The following KATNAL1 variants were observed in gnomAD, a reference collection of about 807,000 sequenced individuals.
The protein encoded by KATNAL1 is katanin p60 ATPase-containing subunit A-like 1.
KATNAL1 carries 32 observed loss-of-function variants against 55.2 expected under a neutral mutation model. That is an observed-to-expected ratio of 0.58 (90% CI 0.44 to 0.78). The LOEUF is 0.78. KATNAL1 is among the 30% of genes least tolerant of loss of function. KATNAL1 has a pLI of 0.00. For missense variants in KATNAL1, 466 were observed against 600.9 expected (o/e 0.78, Z 2.35); for synonymous variants, 193 against 193.6 (o/e 1.00, Z 0.02).
chr13:30,245,219 C>T (rs1458424933), intron 4 of KATNAL1, among the ~76,000 whole-genome samples: 1 of 152,206 alleles, frequency 6.6e-6, no homozygotes, highest in Non-Finnish European at 1.5e-5. Context: ...ATCAAGTTGG[C>T]TTCACCCCTG....
chr13:30,304,296 AGTCTCGCTCT>A (rs1209799358), intron 1 of KATNAL1, among the ~76,000 whole-genome samples: 2 of 143,528 alleles, frequency 1.4e-5, no homozygotes, highest in African/African-American at 5.2e-5. Context: ...CCTGACACGG[AGTCTCGCTCT>A]GTCACCAGGC....
chr13:30,224,589 C>T (rs1875251685), intron 9 of KATNAL1, among the ~76,000 whole-genome samples: 1 of 149,420 alleles, frequency 6.7e-6, no homozygotes, highest in African/African-American at 2.5e-5. Flanking sequence ...ACCTTAGTTT[C>T]TAACTTCAGA....
At chr13:30,277,167 G>A (rs1880904690) in intron 3 of KATNAL1, among the ~76,000 whole-genome samples, 3 of 152,182 alleles carry the variant, frequency 2.0e-5, no homozygotes, top group Admixed American at 2.0e-4. Flanking sequence ...AGAATCTGCA[G>A]GGAGAAAATA....
intron 2 of KATNAL1, among the ~76,000 whole-genome samples, chr13:30,282,640 T>A (rs534086329): frequency 0.014 from 1,779 of 130,150 alleles, 34 homozygotes; most frequent in African/African-American, 0.046. Flanking sequence ...CCTGTCTCTT[T>A]AAAAAAAAAA....
intron 9 of KATNAL1, among the ~76,000 whole-genome samples, chr13:30,213,354 A>G (rs1368211297): frequency 1.3e-5 from 2 of 152,184 alleles, no homozygotes. Flanking sequence ...ACAAGGAGGA[A>G]CTGGTACCAT....
chr13:30,274,938 CACACACACACACACAG>C (rs1322020298), intron 3 of KATNAL1, among the ~76,000 whole-genome samples: 4 of 151,342 alleles, frequency 2.6e-5, no homozygotes, highest in African/African-American at 7.3e-5. Context: ...CACACACACA[CACACACACACACACAG>C]GAATATTATT....
At chr13:30,208,822 A>G in intron 10 of KATNAL1, 84 bp from the exon 11 acceptor site, 2 of 954,646 alleles carry the variant, frequency 2.1e-6, no homozygotes, top group South Asian at 4.0e-5. Flanking sequence ...TGAAAAAAAA[A>G]TCAAAAGATT....
At chr13:30,267,029 T>C (rs1879832431) in intron 3 of KATNAL1, among the ~76,000 whole-genome samples, 1 of 152,212 alleles carries the variant, frequency 6.6e-6, no homozygotes, top group African/African-American at 2.4e-5. Flanking sequence ...ATTCATTCAA[T>C]CATTTTGAGA....
At position 30,207,761 on chromosome 13, in the gene KATNAL1, C is replaced by G. The variant is rs1260849259; in HGVS notation, c.*779G>C. 1 of 152,144 alleles carries G rather than the reference C, an allele frequency of 6.6e-6. No homozygotes were observed. The highest frequency in any genetic ancestry group is 1.5e-5 in the Non-Finnish European group (1 of 68,042). The allele number at this position is 152,144 out of a possible 1,614,324, so 9.4% of individuals were successfully genotyped here. A position where few individuals can be genotyped will look rare whatever the true frequency, so the allele number is the denominator to read the frequency against. ...ACAGCCTGGGTGACACAGACTCCTT[C>G]ACGCACACACAAAAAAGTGAAAACA... is the stretch of plus-strand genomic sequence containing the variant. On this transcript the variant is annotated 3_prime_UTR_variant, in exon 11 of 11. Coordinates refer to ENST00000380615, the MANE Select transcript of KATNAL1 (RefSeq NM_032116.5).
chr13:30,278,615 GT>G (rs1881043128), intron 3 of KATNAL1, among the ~76,000 whole-genome samples: 1 of 152,160 alleles, frequency 6.6e-6, no homozygotes, highest in Non-Finnish European at 1.5e-5. Context: ...ATGAATCATG[GT>G]GCTCTAGCAA....
At position 30,203,493 on chromosome 13, in the gene KATNAL1, G is replaced by A. The variant is rs977674304; in HGVS notation, c.*5047C>T. On this transcript the variant is annotated 3_prime_UTR_variant, in exon 11 of 11. Coordinates refer to ENST00000380615, the MANE Select transcript of KATNAL1 (RefSeq NM_032116.5). ...AAGTAAAAGTGCATTTTATAGTTTC[G>A]AACAATCAAATGGGAGTCCTTTTAT... The A allele has an allele frequency of 2.0e-5, 3 of 152,074 alleles. No homozygotes were observed. Among genetic ancestry groups the A allele is most frequent in the Non-Finnish European group, 4.4e-5 (3 of 68,006 alleles). 9.4% of individuals were successfully genotyped at this position (152,074 alleles called of 1,614,324 possible). A position where few individuals can be genotyped will look rare whatever the true frequency, so the allele number is the denominator to read the frequency against.
chr13:30,259,166 C>T (rs1299011685), intron 3 of KATNAL1, among the ~76,000 whole-genome samples: 2 of 152,120 alleles, frequency 1.3e-5, no homozygotes, highest in Admixed American at 1.3e-4. Context: ...ATGGCGAAAC[C>T]CTGTCTCTAC....
At chr13:30,229,610 T>C (rs1160559595) in intron 8 of KATNAL1, among the ~76,000 whole-genome samples, 1 of 152,010 alleles carries the variant, frequency 6.6e-6, no homozygotes, top group African/African-American at 2.4e-5. Flanking sequence ...CCCAGCTACT[T>C]AGGAGGCTGA....
At chr13:30,268,709 C>A (rs186421589) in intron 3 of KATNAL1, among the ~76,000 whole-genome samples, 2 of 152,190 alleles carry the variant, frequency 1.3e-5, no homozygotes, top group Non-Finnish European at 2.9e-5. Context: ...TGTTAGTTTA[C>A]CACTAATAGA....
intron 3 of KATNAL1, 89 bp downstream of exon 3, chr13:30,279,974 A>G: frequency 8.4e-7 from 1 of 1,191,540 alleles, no homozygotes; most frequent in Non-Finnish European, 1.2e-6. Context: ...TGTCCCCAAA[A>G]ATAATTTTTC....
intron 1 of KATNAL1, among the ~76,000 whole-genome samples, chr13:30,299,016 T>C (rs1882702413): frequency 6.6e-6 from 1 of 152,122 alleles, no homozygotes; most frequent in African/African-American, 2.4e-5. Context: ...CTGAAGAACA[T>C]TTAAAACAGA....
At chr13:30,277,844 G>A (rs1387776641) in intron 3 of KATNAL1, among the ~76,000 whole-genome samples, 2 of 150,782 alleles carry the variant, frequency 1.3e-5, no homozygotes, top group Middle Eastern at 3.5e-3. Flanking sequence ...TTAGCCGGGC[G>A]TAGTGGCGGG....
intron 3 of KATNAL1, among the ~76,000 whole-genome samples, chr13:30,278,384 A>G (rs1881025229): frequency 6.6e-6 from 1 of 152,244 alleles, no homozygotes; most frequent in South Asian, 2.1e-4. Flanking sequence ...TTCATCTTTC[A>G]CTTTCATTTA....
At chr13:30,219,995 T>C (rs77151916) in intron 9 of KATNAL1, among the ~76,000 whole-genome samples, 1 of 152,160 alleles carries the variant, frequency 6.6e-6, no homozygotes, top group Non-Finnish European at 1.5e-5. Context: ...CCCTTTATTA[T>C]AGTGAAGAAT....
Sources: allele counts gnomAD v4.1 joint callset (sites outside exome capture counted in the v4.1 genomes callset), GRCh38; gene constraint gnomAD v4.1.1; transcripts MANE v1.5; gene names NCBI Gene and HGNC (gene_info 2026-07-23, HGNC 2026-07-21).